PIK3C2G: variants seen among roughly 807,000 people sequenced by gnomAD.
PIK3C2G encodes the protein phosphatidylinositol-4-phosphate 3-kinase catalytic subunit type 2 gamma.
Under a neutral mutation model 181.1 loss-of-function variants are expected in PIK3C2G, and 168 were observed. The ratio of observed to expected loss-of-function variants is 0.93; its 90% CI spans 0.82 to 1.05. The LOEUF (loss-of-function observed/expected upper bound fraction) is 1.05. PIK3C2G is among the 50% of genes least tolerant of loss of function. PIK3C2G has a pLI of 0.00. For missense variants in PIK3C2G, 1,869 were observed against 1,732.8 expected (o/e 1.08, Z -1.40); for synonymous variants, 573 against 592.2 (o/e 0.97, Z 0.47).
chr12:18,644,284 A>T (rs1486577894), intron 32 of PIK3C2G, among the ~76,000 whole-genome samples: 1 of 152,102 alleles, frequency 6.6e-6, no homozygotes, highest in Non-Finnish European at 1.5e-5. Flanking sequence ...GAACTGCCAT[A>T]CAGCTTGAAG....
At chr12:18,626,900 A>G (rs948482476) in intron 31 of PIK3C2G, among the ~76,000 whole-genome samples, 21 of 151,918 alleles carry the variant, frequency 1.4e-4, no homozygotes, top group African/African-American at 5.1e-4. Context: ...TGGTTCCTAT[A>G]TTTGGATGTT....
chr12:18,520,002 TAAAAAAAAAAAAA>T (rs889312316), intron 24 of PIK3C2G, among the ~76,000 whole-genome samples: 11 of 46,330 alleles, frequency 2.4e-4, no homozygotes, highest in South Asian at 7.3e-4. Context: ...CAATAAATAC[TAAAAAAAAAAAAA>T]AAAAAAAAAA....
At chr12:18,626,138 T>C (rs1228157645) in intron 31 of PIK3C2G, among the ~76,000 whole-genome samples, 1 of 151,846 alleles carries the variant, frequency 6.6e-6, no homozygotes, top group Non-Finnish European at 1.5e-5. Context: ...TGTGGATTGA[T>C]GGTTTTCTGT....
At chr12:18,530,609 C>T (rs1490622608) in intron 24 of PIK3C2G, among the ~76,000 whole-genome samples, 2 of 152,212 alleles carry the variant, frequency 1.3e-5, no homozygotes, top group Admixed American at 6.6e-5. Flanking sequence ...CTTGGCTCTG[C>T]GTGCCCACCC....
intron 18 of PIK3C2G, among the ~76,000 whole-genome samples, chr12:18,426,313 A>C (rs1945810991): frequency 6.6e-6 from 1 of 152,150 alleles, no homozygotes; most frequent in Non-Finnish European, 1.5e-5. Context: ...GTTTTCCTGA[A>C]ACATTGATTT....
Position 18,362,804 on chromosome 12 carries a change from G to A in PIK3C2G, c.1666G>A (p.Gly556Arg). ...FSFTCWLTYA[G>R]KKLCQVRNYR... ...TTTTACCTGTTGGCTTACATATGCTGGAAAGAAGCTGTGCCAAGTGAGAAA... is the reference window on the plus strand; with the variant it reads ...TTTTACCTGTTGGCTTACATATGCTAGAAAGAAGCTGTGCCAAGTGAGAAA... The change falls in exon 12 of 33, where the codon GGA (glycine) becomes AGA (arginine). Residue 556 changes from glycine (G) to arginine (R), a missense_variant. By Grantham distance (125) the Gly-to-Arg change is moderately radical. Transcript: ENST00000538779. The A allele has an allele frequency of 6.6e-7, 1 of 1,524,092 alleles. No homozygotes were observed. Among genetic ancestry groups the A allele is most frequent in the Non-Finnish European group, 8.8e-7 (1 of 1,141,824 alleles). The allele number at this position is 1,524,092 out of a possible 1,614,324, so 94.4% of individuals were successfully genotyped here.
intron 8 of PIK3C2G, among the ~76,000 whole-genome samples, chr12:18,328,517 A>T (rs1951446902): frequency 6.6e-6 from 1 of 152,124 alleles, no homozygotes; most frequent in African/African-American, 2.4e-5. Flanking sequence ...AATTTCAAAC[A>T]TAACTTAAGC....
intron 14 of PIK3C2G, 63 bp downstream of exon 14, chr12:18,381,943 G>A (rs1942871358): frequency 1.1e-6 from 1 of 951,108 alleles, no homozygotes; most frequent in East Asian, 2.4e-5. Context: ...GTAGTTTGTT[G>A]TCAATTATAG....
the PIK3C2G span, among the ~76,000 whole-genome samples, chr12:18,707,936 TAAG>T: frequency 2.6e-5 from 4 of 152,216 alleles, no homozygotes; most frequent in Non-Finnish European, 5.9e-5. Context: ...ACGTAGATAG[TAAG>T]AAGGTTATTA....
intron 7 of PIK3C2G, 62 bp from the exon 8 acceptor site, chr12:18,324,973 C>T: frequency 1.3e-6 from 1 of 779,100 alleles, no homozygotes; most frequent in Non-Finnish European, 2.2e-6. Context: ...AATGTTTGTG[C>T]TAAAGGTAAT....
At chr12:18,465,460 C>CT (rs1937757257) in intron 18 of PIK3C2G, among the ~76,000 whole-genome samples, 1 of 151,830 alleles carries the variant, frequency 6.6e-6, no homozygotes, top group Non-Finnish European at 1.5e-5. Flanking sequence ...CACTTTCTTT[C>CT]TACCTGAAAA....
chr12:18,354,265 C>A (rs1032972987), intron 11 of PIK3C2G, among the ~76,000 whole-genome samples: 2 of 152,220 alleles, frequency 1.3e-5, no homozygotes, highest in Non-Finnish European at 2.9e-5. Flanking sequence ...CTGGACCTTA[C>A]TGGGGCCAAA....
chr12:18,499,026 G>T (rs1941224320), intron 22 of PIK3C2G, among the ~76,000 whole-genome samples: 1 of 152,186 alleles, frequency 6.6e-6, no homozygotes, highest in Non-Finnish European at 1.5e-5. Context: ...CTTTTCTCCA[G>T]ATATTGAATA....
At chr12:18,675,959 A>G in the PIK3C2G span, among the ~76,000 whole-genome samples, 1 of 152,148 alleles carries the variant, frequency 6.6e-6, no homozygotes, top group Admixed American at 6.6e-5. Context: ...CTCAAACATC[A>G]CAATTATATA....
At chr12:18,303,674 A>G (rs1263852749) in intron 5 of PIK3C2G, among the ~76,000 whole-genome samples, 1 of 152,172 alleles carries the variant, frequency 6.6e-6, no homozygotes, top group African/African-American at 2.4e-5. Flanking sequence ...CTTTCTGTCT[A>G]ATTTAACTTA....
At chr12:18,290,112 A>G in intron 3 of PIK3C2G, among the ~76,000 whole-genome samples, 1 of 152,164 alleles carries the variant, frequency 6.6e-6, no homozygotes, top group Non-Finnish European at 1.5e-5. Context: ...GGTAGATATT[A>G]ATATCCACCT....
chr12:18,326,677 G>C (rs558840955), intron 8 of PIK3C2G, among the ~76,000 whole-genome samples: 1 of 152,216 alleles, frequency 6.6e-6, no homozygotes, highest in South Asian at 2.1e-4. Flanking sequence ...TCCACAATTA[G>C]CTTGTTTTAA....
At position 18,604,792 on chromosome 12, in the gene PIK3C2G, G is replaced by T. The variant is rs1247324259; in HGVS notation, c.4088-4743G>T. On this transcript the variant is annotated intron_variant, in intron 30 of 32. Transcript: ENST00000538779. ...GAAATTAAATAACCTGCTCCTGAAT[G>T]AGTGTTGGGTCAAAAATGAAACCAA... Among the ~76,000 whole-genome samples, 5 of 152,316 alleles carry T rather than the reference G, an allele frequency of 3.3e-5. No individual in the cohort carries two copies. The East Asian group carries it at 9.6e-4, about 29-fold the overall frequency.
chr12:18,530,575 A>T (rs1266034083), intron 24 of PIK3C2G, among the ~76,000 whole-genome samples: 1 of 152,122 alleles, frequency 6.6e-6, no homozygotes, highest in Admixed American at 6.6e-5. Context: ...ATTACTTGAT[A>T]AGATCAACAA....
Sources: allele counts gnomAD v4.1 joint callset (sites outside exome capture counted in the v4.1 genomes callset), GRCh38; gene constraint gnomAD v4.1.1; transcripts MANE v1.5; gene names NCBI Gene and HGNC (gene_info 2026-07-23, HGNC 2026-07-21).